Variants in PDZRN4 observed in about 807,000 individuals in gnomAD.
PDZRN4 encodes the protein PDZ domain containing ring finger 4.
In PDZRN4, 70 loss-of-function variants were observed where a neutral mutation model predicts 99.0. That is an observed-to-expected ratio of 0.71 (90% CI 0.58 to 0.86). PDZRN4 has a LOEUF of 0.86. PDZRN4 is among the 40% of genes least tolerant of loss of function. PDZRN4 has a pLI of 0.00. For missense variants in PDZRN4, 1,474 were observed against 1,331.2 expected (o/e 1.11, Z -1.67); for synonymous variants, 551 against 501.6 (o/e 1.10, Z -1.32).
At chr12:41,341,683 A>T (rs1404718792) in intron 3 of PDZRN4, among the ~76,000 whole-genome samples, 1 of 151,794 alleles carries the variant, frequency 6.6e-6, no homozygotes, top group Non-Finnish European at 1.5e-5. Flanking sequence ...TAAAACATTG[A>T]TAGAAGAAAT....
chr12:41,372,883 AC>A (rs1952052415), intron 3 of PDZRN4, among the ~76,000 whole-genome samples: 1 of 152,260 alleles, frequency 6.6e-6, no homozygotes, highest in Admixed American at 6.5e-5. Context: ...GCTTTTACCC[AC>A]CACAGATATC....
intron 3 of PDZRN4, among the ~76,000 whole-genome samples, chr12:41,263,040 C>T (rs147024529): frequency 0.011 from 1,634 of 151,982 alleles, 30 homozygotes; most frequent in African/African-American, 0.036. Flanking sequence ...GTATAGATTA[C>T]CTCATGCTTA....
intron 3 of PDZRN4, among the ~76,000 whole-genome samples, chr12:41,312,030 G>A (rs1317498477): frequency 6.6e-6 from 1 of 152,104 alleles, no homozygotes; most frequent in Non-Finnish European, 1.5e-5. Flanking sequence ...GGAAAGCTTA[G>A]GTTGATCCTG....
At position 41,360,939 on chromosome 12, in the gene PDZRN4, AGTGTGTGTGTGTGT is replaced by A. The variant is rs10522706; in HGVS notation, c.844-145492_844-145479del. On this transcript the variant is annotated intron_variant, in intron 3 of 9. Coordinates refer to ENST00000402685, the MANE Select transcript of PDZRN4 (RefSeq NM_001164595.2). Reference sequence around the variant, plus strand: ...ATTTATCATTCCAAAGAATAAGTAAAGTGTGTGTGTGTGTGTGTGTGTGTGTGTGTGTGTGTGTA... The same window carrying A: ...ATTTATCATTCCAAAGAATAAGTAAAGTGTGTGTGTGTGTGTGTGTGTGTA... Among the ~76,000 whole-genome samples the A allele has an allele frequency of 1.4e-3, 209 of 150,500 alleles. 1 individual carries two copies. The highest frequency in any genetic ancestry group is 2.1e-3 in the Non-Finnish European group (145 of 67,586).
intron 3 of PDZRN4, among the ~76,000 whole-genome samples, chr12:41,357,831 G>T (rs568645786): frequency 4.6e-5 from 7 of 152,104 alleles, no homozygotes; most frequent in African/African-American, 1.7e-4. Flanking sequence ...TACAAGATCA[G>T]TCTCTGAATT....
intron 3 of PDZRN4, among the ~76,000 whole-genome samples, chr12:41,330,513 T>C (rs888190187): frequency 6.8e-6 from 1 of 147,760 alleles, no homozygotes; most frequent in Non-Finnish European, 1.5e-5. Context: ...AAAAAGACAA[T>C]TTCCTATGAT....
chr12:41,206,929 T>C (rs897421577), intron 3 of PDZRN4, among the ~76,000 whole-genome samples: 1 of 151,948 alleles, frequency 6.6e-6, no homozygotes, highest in East Asian at 1.9e-4. Flanking sequence ...GGACCAGTCT[T>C]ACACTGTCTA....
chr12:41,525,001 T>C (rs1938547322), intron 5 of PDZRN4, among the ~76,000 whole-genome samples: 1 of 152,254 alleles, frequency 6.6e-6, no homozygotes, highest in Admixed American at 6.5e-5. Context: ...TTCTTCATTT[T>C]TGAAGTTGAG....
chr12:41,304,749 T>G (rs1951558389), intron 3 of PDZRN4, among the ~76,000 whole-genome samples: 1 of 152,186 alleles, frequency 6.6e-6, no homozygotes, highest in East Asian at 1.9e-4. Context: ...AAACAAATCA[T>G]TTCAATAGAG....
chr12:41,210,449 T>C (rs573790472), intron 3 of PDZRN4, among the ~76,000 whole-genome samples: 2 of 152,154 alleles, frequency 1.3e-5, no homozygotes, highest in South Asian at 4.1e-4. Context: ...GTTAAATTAT[T>C]ATTGATATCT....
chr12:41,461,863 C>G (rs964500250), intron 3 of PDZRN4, among the ~76,000 whole-genome samples: 1 of 152,100 alleles, frequency 6.6e-6, no homozygotes, highest in Non-Finnish European at 1.5e-5. Context: ...GCCTGTCTTT[C>G]TCCTCTAGAA....
intron 3 of PDZRN4, among the ~76,000 whole-genome samples, chr12:41,284,086 A>G (rs1951406417): frequency 6.6e-6 from 1 of 152,248 alleles, no homozygotes; most frequent in South Asian, 2.1e-4. Context: ...TTTGCAGATG[A>G]CATGATTGTA....
At chr12:41,378,364 A>G (rs1005389215) in intron 3 of PDZRN4, among the ~76,000 whole-genome samples, 1 of 152,052 alleles carries the variant, frequency 6.6e-6, no homozygotes, top group African/African-American at 2.4e-5. Context: ...TTAATGTGCT[A>G]TTGAACTCAA....
At chr12:41,570,321 T>A (rs1207730581) in intron 9 of PDZRN4, among the ~76,000 whole-genome samples, 1 of 152,170 alleles carries the variant, frequency 6.6e-6, no homozygotes, top group African/African-American at 2.4e-5. Flanking sequence ...CATAGGGAAA[T>A]GATAAATGAT....
intron 5 of PDZRN4, among the ~76,000 whole-genome samples, chr12:41,528,436 T>C (rs112278388): frequency 0.02 from 2,975 of 152,306 alleles, 85 homozygotes; most frequent in African/African-American, 0.064. Flanking sequence ...TTTATGTATA[T>C]GAACACATTG....
chr12:41,503,083 T>C (rs544522979), intron 3 of PDZRN4, among the ~76,000 whole-genome samples: 1 of 152,258 alleles, frequency 6.6e-6, no homozygotes, highest in Non-Finnish European at 1.5e-5. Context: ...TGGTGACCTT[T>C]TGATGGGCTA....
intron 3 of PDZRN4, among the ~76,000 whole-genome samples, chr12:41,239,853 A>G (rs1430384442): frequency 6.6e-6 from 1 of 152,222 alleles, no homozygotes; most frequent in Non-Finnish European, 1.5e-5. Context: ...TAAAAAGGCA[A>G]ATGTTAAAAA....
chr12:41,571,370 TCTCTCTCACACACACACA>T (rs1939473826), intron 9 of PDZRN4, among the ~76,000 whole-genome samples: 1 of 94,076 alleles, frequency 1.1e-5, no homozygotes, highest in African/African-American at 6.3e-5. Flanking sequence ...TCTCTCTCTC[TCTCTCTCACACACACACA>T]CACACACACA....
In PDZRN4 at chr12:41,555,859, G is replaced by A. The variant is rs1939151142; in HGVS notation, c.1365+99G>A. 6 of 1,000,420 alleles carry A rather than the reference G, an allele frequency of 6.0e-6. No individual in the cohort carries two copies. In the Admixed American group the frequency reaches 1.2e-4, roughly 20 times the overall value. The allele number at this position is 1,000,420 out of a possible 1,614,324, so 62.0% of individuals were successfully genotyped here. On this transcript the variant is annotated intron_variant, in intron 7 of 9. Transcript: ENST00000402685. ...ACTGTTGAGAAAAGAATTTGTCTTT[G>A]CTTTTGGATACTAACATCTACAAAA...
Sources: allele counts gnomAD v4.1 joint callset (sites outside exome capture counted in the v4.1 genomes callset), GRCh38; gene constraint gnomAD v4.1.1; transcripts MANE v1.5; gene names NCBI Gene and HGNC (gene_info 2026-07-23, HGNC 2026-07-21).